The following GALNT13 variants were observed in gnomAD, a reference collection of about 807,000 sequenced individuals.
The protein encoded by GALNT13 is polypeptide N-acetylgalactosaminyltransferase 13.
A neutral mutation model predicts 64.2 loss-of-function variants in GALNT13; 28 were observed. That is an observed-to-expected ratio of 0.44 (90% confidence interval 0.32 to 0.60). The LOEUF is 0.60. GALNT13 is among the 20% of genes least tolerant of loss of function. The pLI, the probability that GALNT13 is intolerant of heterozygous loss-of-function variation, is 0.05. For synonymous variants in GALNT13, 214 were observed against 224.6 expected (o/e 0.95, Z 0.42); for missense variants, 577 against 669.8 (o/e 0.86, Z 1.53).
intron 1 of GALNT13, among the ~76,000 whole-genome samples, chr2:153,894,783 A>G (rs936366265): frequency 8.5e-5 from 13 of 152,174 alleles, no homozygotes; most frequent in African/African-American, 3.1e-4. Flanking sequence ...CTTCTCTAAC[A>G]CAATAACAGA....
At chr2:153,104,254 T>C in the GALNT13 span, among the ~76,000 whole-genome samples, 1 of 152,190 alleles carries the variant, frequency 6.6e-6, no homozygotes, top group African/African-American at 2.4e-5. Flanking sequence ...GTGTTTTCTT[T>C]GCCCAGATGT....
In GALNT13 at chr2:154,316,955, G is replaced by T. The variant is rs576715600; in HGVS notation, c.1156+15366G>T. 3.3e-5 allele frequency among the ~76,000 whole-genome samples: 5 copies of T among 152,318 alleles called. No individual in the cohort carries two copies. The South Asian group carries it at 1.0e-3, about 32-fold the overall frequency. ...GGGCCAGGTGCGGTGGCTGATGCCT[G>T]TAATCCCAGCACTTTGGGAGGCCAA... On this transcript the variant is annotated intron_variant, in intron 9 of 12. Coordinates refer to ENST00000392825, the MANE Select transcript of GALNT13 (RefSeq NM_052917.4).
intron 3 of GALNT13, among the ~76,000 whole-genome samples, chr2:154,131,144 T>C (rs1296181814): frequency 6.6e-6 from 1 of 152,148 alleles, no homozygotes; most frequent in Non-Finnish European, 1.5e-5. Flanking sequence ...AATTTCATAT[T>C]TCAGCATAAT....
chr2:154,222,078 TA>T (rs2105824204), intron 4 of GALNT13, among the ~76,000 whole-genome samples: 1 of 151,834 alleles, frequency 6.6e-6, no homozygotes, highest in South Asian at 2.1e-4. Context: ...TTTTAAAAAA[TA>T]TTTTTTTCTC....
chr2:153,384,425 G>A, the GALNT13 span, among the ~76,000 whole-genome samples: 1 of 152,042 alleles, frequency 6.6e-6, no homozygotes, highest in Non-Finnish European at 1.5e-5. Context: ...CTTCGATTAA[G>A]TCATATAAAT....
chr2:154,376,939 T>C (rs1271476121), intron 9 of GALNT13, among the ~76,000 whole-genome samples: 2 of 152,160 alleles, frequency 1.3e-5, no homozygotes, highest in East Asian at 3.8e-4. Flanking sequence ...TAGAAAAGAC[T>C]AAGTCTTGCT....
chr2:153,993,161 A>G (rs1488633367), intron 3 of GALNT13, among the ~76,000 whole-genome samples: 1 of 152,148 alleles, frequency 6.6e-6, no homozygotes, highest in African/African-American at 2.4e-5. Flanking sequence ...TAAATCACAG[A>G]AAATTATCAA....
intron 11 of GALNT13, chr2:154,437,466 C>G: frequency 9.2e-7 from 1 of 1,083,910 alleles, no homozygotes. Flanking sequence ...ATTATGTATT[C>G]TGTTGACATT....
chr2:154,356,808 A>AT (rs1037925337), intron 9 of GALNT13, among the ~76,000 whole-genome samples: 76 of 152,048 alleles, frequency 5.0e-4, no homozygotes, highest in African/African-American at 1.6e-3. Flanking sequence ...GTTGATGCAT[A>AT]TTTTTCAAAT....
At chr2:153,962,323 C>A (rs1693003078) in intron 3 of GALNT13, among the ~76,000 whole-genome samples, 1 of 152,044 alleles carries the variant, frequency 6.6e-6, no homozygotes, top group Non-Finnish European at 1.5e-5. Context: ...AAAGCGAGTT[C>A]TAGATGGAAT....
chr2:153,601,812 G>A, the GALNT13 span, among the ~76,000 whole-genome samples: 12 of 151,788 alleles, frequency 7.9e-5, no homozygotes, highest in Non-Finnish European at 1.8e-4. Flanking sequence ...ACTACCAAAT[G>A]GCAGGCAGAA....
the GALNT13 span, among the ~76,000 whole-genome samples, chr2:153,850,532 T>G: frequency 6.6e-6 from 1 of 152,134 alleles, no homozygotes; most frequent in East Asian, 1.9e-4. Flanking sequence ...AATCAAAAAT[T>G]ACCAAGAAAG....
At chr2:154,321,449 C>G (rs952490405) in intron 9 of GALNT13, among the ~76,000 whole-genome samples, 1 of 152,022 alleles carries the variant, frequency 6.6e-6, no homozygotes. Context: ...CTTTTCATCC[C>G]TTTGTCTGTA....
At chr2:153,113,683 A>T in the GALNT13 span, among the ~76,000 whole-genome samples, 1 of 152,130 alleles carries the variant, frequency 6.6e-6, no homozygotes, top group African/African-American at 2.4e-5. Context: ...ATATGTAATT[A>T]CATACTAAGA....
At chr2:153,666,647 T>C in the GALNT13 span, among the ~76,000 whole-genome samples, 2 of 151,952 alleles carry the variant, frequency 1.3e-5, no homozygotes, top group East Asian at 3.9e-4. Context: ...TCAAAGAATA[T>C]AAAATCAAAA....
At chr2:153,675,001 AT>A in the GALNT13 span, among the ~76,000 whole-genome samples, 1 of 152,240 alleles carries the variant, frequency 6.6e-6, no homozygotes, top group African/African-American at 2.4e-5. Context: ...ATGAGATACC[AT>A]CTCATGCAAG....
the GALNT13 span, among the ~76,000 whole-genome samples, chr2:153,401,835 G>A: frequency 6.6e-6 from 1 of 151,950 alleles, no homozygotes; most frequent in Non-Finnish European, 1.5e-5. Context: ...CACGTGAGAT[G>A]GGTTTCCTGA....
At chr2:154,233,601 G>A (rs75576175) in intron 4 of GALNT13, among the ~76,000 whole-genome samples, 1,621 of 152,232 alleles carry the variant, frequency 0.011, 12 homozygotes, top group Non-Finnish European at 0.017. Flanking sequence ...TGAACAAATG[G>A]CATGATCCAT....
At chr2:153,983,845 G>T (rs1170244564) in intron 3 of GALNT13, among the ~76,000 whole-genome samples, 1 of 151,878 alleles carries the variant, frequency 6.6e-6, no homozygotes, top group Non-Finnish European at 1.5e-5. Context: ...TTTCAATAAA[G>T]GTATCACTTA....
Sources: allele counts gnomAD v4.1 joint callset (sites outside exome capture counted in the v4.1 genomes callset), GRCh38; gene constraint gnomAD v4.1.1; transcripts MANE v1.5; gene names NCBI Gene and HGNC (gene_info 2026-07-23, HGNC 2026-07-21).